Variants in C2CD2 observed in about 807,000 individuals in gnomAD.
The protein encoded by C2CD2 is C2 calcium dependent domain containing 2.
C2CD2 carries 43 observed loss-of-function variants against 74.3 expected under a neutral mutation model. The observed-to-expected ratio is 0.58, with a 90% CI of 0.45 to 0.75. The LOEUF (loss-of-function observed/expected upper bound fraction) is 0.75. Ranked by LOEUF, C2CD2 falls within the 30% of genes least tolerant of loss-of-function variation. The pLI, the probability that C2CD2 is intolerant of heterozygous loss-of-function variation, is 0.00. For synonymous variants in C2CD2, 422 were observed against 390.7 expected (o/e 1.08, Z -0.94); for missense variants, 801 against 916.3 (o/e 0.87, Z 1.63).
At chr21:41,949,239 ATGTTGGGGGTGTAAC>A (rs1182592835) in intron 1 of C2CD2, among the ~76,000 whole-genome samples, 1 of 152,154 alleles carries the variant, frequency 6.6e-6, no homozygotes, top group Non-Finnish European at 1.5e-5. Context: ...TCCCAAGGGG[ATGTTGGGGGTGTAAC>A]TGATTATCAT....
At chr21:41,898,904 CAG>C in intron 13 of C2CD2, 147 bp downstream of exon 13, 1 of 692,756 alleles carries the variant, frequency 1.4e-6, no homozygotes, top group South Asian at 1.7e-5. Flanking sequence ...ACATTCAGCA[CAG>C]GGCATTTCTG....
chr21:41,928,001 GTGT>G (rs2065230225), intron 2 of C2CD2, among the ~76,000 whole-genome samples: 1 of 152,330 alleles, frequency 6.6e-6, no homozygotes, highest in African/African-American at 2.4e-5. Flanking sequence ...CTGCAAGGAG[GTGT>G]TGTTAATGCA....
At chr21:41,942,891 C>A in intron 1 of C2CD2, 1 of 862,574 alleles carries the variant, frequency 1.2e-6, no homozygotes, top group Non-Finnish European at 1.4e-6. Flanking sequence ...TACTTCACAG[C>A]CCTCTGGAGC....
rs904470331 is a variant in C2CD2, at chr21:41,892,948, G to A, written c.1871-3604C>T. Among the ~76,000 whole-genome samples, 10 of 152,338 alleles carry A rather than the reference G, an allele frequency of 6.6e-5. No individual in the cohort carries two copies. The highest frequency in any genetic ancestry group is 5.8e-4 in the East Asian group (3 of 5,176). ...GTGCCACGCCAGAGACGCGCGGTGC[G>A]CCCAGGTTAAGAGGGAAATGGGTGT... On this transcript the variant is annotated intron_variant, in intron 13 of 13. Coordinates refer to ENST00000380486, the MANE Select transcript of C2CD2 (RefSeq NM_015500.2). This position sits in a 1 kb window ranked among gnomAD's most constrained non-coding sequence, Gnocchi z 4.6.
chr21:41,921,938 G>A (rs764688231), intron 3 of C2CD2, 34 bp downstream of exon 3: 3 of 1,305,002 alleles, frequency 2.3e-6, no homozygotes, highest in Non-Finnish European at 3.3e-6. Flanking sequence ...AACTGTGACG[G>A]GTCTCATAAC....
intron 8 of C2CD2, 90 bp downstream of exon 8, chr21:41,909,369 G>T: frequency 2.3e-6 from 2 of 856,710 alleles, no homozygotes; most frequent in Non-Finnish European, 4.0e-6. Context: ...TTCCTCTGCT[G>T]GATCTCCCAC....
intron 13 of C2CD2, among the ~76,000 whole-genome samples, chr21:41,890,657 T>C (rs190714858): frequency 1.8e-4 from 27 of 152,368 alleles, no homozygotes; most frequent in African/African-American, 6.3e-4. Flanking sequence ...CCCTTTGTGA[T>C]AGGCATATCC....
At chr21:41,896,971 CG>C (rs2064830907) in intron 13 of C2CD2, among the ~76,000 whole-genome samples, 2 of 152,204 alleles carry the variant, frequency 1.3e-5, no homozygotes, top group African/African-American at 4.8e-5. Context: ...GTGAAACGCA[CG>C]GCACGGCTGA....
Position 41,885,516 on chromosome 21 carries a change from GGCCTTGCCCTGTGCAGGCT to G in C2CD2, c.*3589_*3607del, listed in dbSNP as rs2064673972. 1 of 152,658 alleles carries G rather than the reference GGCCTTGCCCTGTGCAGGCT, an allele frequency of 6.6e-6. No individual in the cohort carries two copies. The allele number at this position is 152,658 out of a possible 1,614,324, so 9.5% of individuals were successfully genotyped here. On this transcript the variant is annotated 3_prime_UTR_variant, in exon 14 of 14. Transcript: ENST00000380486. ...AGTTTGCTCTGCAGGATTCCGCGGG[GGCCTTGCCCTGTGCAGGCT>G]GCTTTGGTCTTCGTGTCTAGGCCGG... is the stretch of plus-strand genomic sequence containing the variant.
rs73906132 is a variant in C2CD2, at chr21:41,888,552, G to A, written c.*572C>T. ...GATGACTTCCTACATCTGTCGTAGC[G>A]TCTCCATTCTTATCAAAATTTCTCT... On this transcript the variant is annotated 3_prime_UTR_variant, in exon 14 of 14. Coordinates refer to ENST00000380486, the MANE Select transcript of C2CD2 (RefSeq NM_015500.2). 0.048 allele frequency: 7,673 copies of A among 158,716 alleles called. 669 individuals carry two copies. Among genetic ancestry groups the A allele is most frequent in the African/African-American group, 0.17 (7,194 of 41,486 alleles). 9.8% of individuals were successfully genotyped at this position (158,716 alleles called of 1,614,324 possible).
intron 1 of C2CD2, among the ~76,000 whole-genome samples, chr21:41,947,411 T>G (rs535318986): frequency 6.6e-6 from 1 of 152,064 alleles, no homozygotes; most frequent in Admixed American, 6.5e-5. Context: ...CCCGCCTCAG[T>G]CTCCCAAAGT....
At chr21:41,908,222 T>C in intron 8 of C2CD2, 1 of 227,892 alleles carries the variant, frequency 4.4e-6, no homozygotes, top group Non-Finnish European at 8.4e-6. Flanking sequence ...AGGGCCAAGA[T>C]GCATACAATT....
intron 1 of C2CD2, among the ~76,000 whole-genome samples, chr21:41,946,188 A>G (rs1489077531): frequency 6.6e-6 from 1 of 152,230 alleles, no homozygotes; most frequent in Non-Finnish European, 1.5e-5. Flanking sequence ...GAAATCAGTG[A>G]GGAAGAGTTT....
At chr21:41,936,602 C>A (rs909007903) in intron 2 of C2CD2, among the ~76,000 whole-genome samples, 49 of 152,252 alleles carry the variant, frequency 3.2e-4, no homozygotes, top group African/African-American at 1.1e-3. Context: ...ATACTGTTAA[C>A]CCTTGAACAA....
chr21:41,947,513 A>G (rs1028034118), intron 1 of C2CD2, among the ~76,000 whole-genome samples: 1 of 152,198 alleles, frequency 6.6e-6, no homozygotes, highest in Non-Finnish European at 1.5e-5. Context: ...TCATAGTAAC[A>G]TGCCACCAAT....
In C2CD2 at chr21:41,895,938, C is replaced by T. The variant is rs780811281; in HGVS notation, c.1870+3115G>A. 6.6e-5 allele frequency among the ~76,000 whole-genome samples: 10 copies of T among 152,184 alleles called. No homozygotes were observed. The highest frequency in any genetic ancestry group is 7.3e-5 in the Non-Finnish European group (5 of 68,042). ...GCGACTACTTTTTAGCTCTGGAGGA[C>T]GACAAAAGGAACCAGCTTCTTCCTG... On this transcript the variant is annotated intron_variant, in intron 13 of 13. Coordinates refer to ENST00000380486, the MANE Select transcript of C2CD2 (RefSeq NM_015500.2). This position sits in a 1 kb window ranked among gnomAD's most constrained non-coding sequence, Gnocchi z 5.0.
chr21:41,918,322 G>T, intron 4 of C2CD2, 95 bp from the exon 5 acceptor site: 1 of 1,307,556 alleles, frequency 7.6e-7, no homozygotes, highest in Non-Finnish European at 1.0e-6. Flanking sequence ...ATGCAAAGTA[G>T]GAAGGAAGGA....
At position 41,945,337 on chromosome 21, in the gene C2CD2, G is replaced by A. The variant is rs77847472; in HGVS notation, c.280-3092C>T. On this transcript the variant is annotated intron_variant, in intron 1 of 13. Transcript: ENST00000380486. The surrounding 1 kb of genome is among the most constrained non-coding windows in gnomAD (Gnocchi z 4.2). ...TGTTTGCTATTGCTGAACACTGAAGGGGAGCAATGAGAACCAAGAGGTAAT... is the reference window on the plus strand; with the variant it reads ...TGTTTGCTATTGCTGAACACTGAAGAGGAGCAATGAGAACCAAGAGGTAAT... 0.08 allele frequency among the ~76,000 whole-genome samples: 12,168 copies of A among 152,176 alleles called. 793 individuals carry two copies. The highest frequency in any genetic ancestry group is 0.28 in the East Asian group (1,466 of 5,182).
intron 7 of C2CD2, among the ~76,000 whole-genome samples, chr21:41,909,760 G>A (rs930950075): frequency 1.3e-5 from 2 of 152,178 alleles, no homozygotes; most frequent in African/African-American, 4.8e-5. Context: ...GTTCTGTGAT[G>A]GCAGTGACAG....
Sources: gnomAD v4.1 joint callset for allele counts (sites outside exome capture counted in the v4.1 genomes callset) on GRCh38, gnomAD v4.1.1 for gene constraint, Gnocchi (gnomAD v3.1) non-coding constraint, MANE v1.5 for transcripts, NCBI Gene and HGNC (gene_info 2026-07-23, HGNC 2026-07-21) for gene names.